The following BRCA2 variants were observed in gnomAD, a reference collection of about 807,000 sequenced individuals.
BRCA2 encodes BRCA2 DNA repair associated, also known as breast cancer type 2 susceptibility protein.
In BRCA2, 203 loss-of-function variants were observed where a neutral mutation model predicts 276.7. That is an observed-to-expected ratio of 0.73 (90% CI 0.65 to 0.82). The LOEUF (loss-of-function observed/expected upper bound fraction) is 0.82. Among genes scored for constraint, BRCA2 ranks in the 40% least tolerant of loss-of-function variants. BRCA2 has a pLI of 0.00. For synonymous variants in BRCA2, 1,289 were observed against 1,338.4 expected (o/e 0.96, Z 0.81); for missense variants, 3,920 against 3,915.0 (o/e 1.00, Z -0.03).
chr13:32,325,293 G>C, intron 4 of BRCA2, 109 bp downstream of exon 4: 2 of 786,324 alleles, frequency 2.5e-6, no homozygotes, highest in Non-Finnish European at 4.1e-6. Context: ...CTAAGAGCCT[G>C]GTAGAAGATC....
chr13:32,350,769 A>G (rs2072643859), intron 13 of BRCA2, among the ~76,000 whole-genome samples: 3 of 152,086 alleles, frequency 2.0e-5, no homozygotes, highest in Admixed American at 2.0e-4. Flanking sequence ...AAAACAACAA[A>G]ATAAAAAAAT....
At chr13:32,363,050 CA>C in intron 17 of BRCA2, 128 bp from the exon 18 acceptor site, 1 of 842,376 alleles carries the variant, frequency 1.2e-6, no homozygotes, top group Non-Finnish European at 1.8e-6. Flanking sequence ...TTCCTAGCTA[CA>C]AAATTTTTAA....
At chr13:32,345,194 A>G (rs2072603238) in intron 12 of BRCA2, among the ~76,000 whole-genome samples, 1 of 152,110 alleles carries the variant, frequency 6.6e-6, no homozygotes, top group Admixed American at 6.5e-5. Flanking sequence ...TCTGCCGAAT[A>G]CCCAAGTCTG....
Position 32,322,909 on chromosome 13 carries a change from A to C in BRCA2, c.317-2167A>C, listed in dbSNP as rs540588292. Among the ~76,000 whole-genome samples, 6 of 152,342 alleles carry C rather than the reference A, an allele frequency of 3.9e-5. No homozygotes were observed. In the South Asian group the frequency reaches 1.2e-3, roughly 32 times the overall value. On this transcript the variant is annotated intron_variant, in intron 3 of 26. Transcript: ENST00000380152. ...CACATACAGGTTTGTGTGTGAATAT[A>C]TTTTCAACTCATTTTGGTTCACACC...
rs753935319 is a variant in BRCA2, at chr13:32,337,574, G to A, written c.3219G>A (p.Gln1073=). 3.1e-6 allele frequency: 5 copies of A among 1,602,018 alleles called. No individual in the cohort carries two copies. The South Asian group carries it at 4.5e-5, about 14-fold the overall frequency. Residue 1073 remains glutamine (Q), a synonymous_variant, in exon 11 of 27, where the codon CAG becomes CAA. Coordinates refer to ENST00000380152, the MANE Select transcript of BRCA2 (RefSeq NM_000059.4). ...TTAATACTGTATCTGCACATTTACA[G>A]AGTAGTGTAGTTGTTTCTGATTGTA... ...QSINTVSAHL[Q]SSVVVSDCKN...
intron 18 of BRCA2, among the ~76,000 whole-genome samples, chr13:32,368,322 G>A (rs993577631): frequency 1.3e-5 from 2 of 151,774 alleles, no homozygotes; most frequent in Admixed American, 6.6e-5. Flanking sequence ...ATCCAGAAAA[G>A]GATTACAGCC....
intron 3 of BRCA2, among the ~76,000 whole-genome samples, chr13:32,320,628 A>T (rs773413866): frequency 1.1e-4 from 17 of 152,346 alleles, no homozygotes; most frequent in Non-Finnish European, 2.2e-4. Flanking sequence ...GGAGACATAC[A>T]TAAGCAATTA....
rs206120 is a variant in BRCA2 at position 32,317,569 on chromosome 13, A to G, written c.67+1042A>G. ...TCTTTCCCATGTCGCAACATCATGC[A>G]GTGATTATTTGGAAGATAGTGGTGT... On this transcript the variant is annotated intron_variant, in intron 2 of 26. Coordinates refer to ENST00000380152, the MANE Select transcript of BRCA2 (RefSeq NM_000059.4). Among the ~76,000 whole-genome samples the G allele has an allele frequency of 0.17, 25,504 of 152,214 alleles. 2,215 individuals are homozygous for G. The highest frequency in any genetic ancestry group is 0.23 in the Middle Eastern group (67 of 294).
intron 13 of BRCA2, among the ~76,000 whole-genome samples, chr13:32,347,688 C>G (rs2072621053): frequency 6.6e-6 from 1 of 152,160 alleles, no homozygotes; most frequent in South Asian, 2.1e-4. Context: ...AGCTCCTTCC[C>G]ACACTTGGTT....
chr13:32,364,496 A>G (rs879274750), intron 18 of BRCA2, among the ~76,000 whole-genome samples: 4 of 152,112 alleles, frequency 2.6e-5, no homozygotes, highest in African/African-American at 4.8e-5. Context: ...ACTGCTACAT[A>G]TTTCTCTACC....
At chr13:32,354,090 T>C (rs2072670572) in intron 13 of BRCA2, among the ~76,000 whole-genome samples, 1 of 152,120 alleles carries the variant, frequency 6.6e-6, no homozygotes, top group Non-Finnish European at 1.5e-5. Flanking sequence ...CAGTAAAAGA[T>C]GAAAGAGGTA....
At chr13:32,349,281 A>G (rs1403064684) in intron 13 of BRCA2, among the ~76,000 whole-genome samples, 1 of 151,832 alleles carries the variant, frequency 6.6e-6, no homozygotes, top group Non-Finnish European at 1.5e-5. Context: ...TTTGCCTTCC[A>G]AACTTTTACC....
At chr13:32,315,290 G>A (rs1284887036), upstream of BRCA2, 1 of 152,354 alleles carries the variant, frequency 6.6e-6, no homozygotes, top group Admixed American at 6.5e-5. Context: ...GGACTCTTAA[G>A]GGTCAGCGAG....
intron 24 of BRCA2, among the ~76,000 whole-genome samples, chr13:32,391,431 G>A (rs2072996081): frequency 6.6e-6 from 1 of 152,180 alleles, no homozygotes; most frequent in African/African-American, 2.4e-5. Context: ...CTCCAGGGAG[G>A]GGCATAGCCT....
intron 13 of BRCA2, 151 bp from the exon 14 acceptor site, chr13:32,354,710 A>T: frequency 1.5e-6 from 1 of 656,540 alleles, no homozygotes; most frequent in Non-Finnish European, 2.7e-6. Context: ...GAAAAATGTG[A>T]TATTGTTTTG....
rs575557478 is a variant in BRCA2, at chr13:32,367,278, A to G, written c.8332-3124A>G. Among the ~76,000 whole-genome samples the G allele has an allele frequency of 8.6e-5, 13 of 151,998 alleles. No homozygotes were observed. In the East Asian group the frequency reaches 2.3e-3, roughly 27 times the overall value. ...GGTGAAACCCCTTCTCTACTAAAAA[A>G]TACAAAAATTAGGTAGGCCTGGGGG... On this transcript the variant is annotated intron_variant, in intron 18 of 26. Coordinates refer to ENST00000380152, the MANE Select transcript of BRCA2 (RefSeq NM_000059.4).
At chr13:32,381,556 T>C (rs2072924544) in intron 24 of BRCA2, among the ~76,000 whole-genome samples, 1 of 152,100 alleles carries the variant, frequency 6.6e-6, no homozygotes, top group Non-Finnish European at 1.5e-5. Flanking sequence ...AGCAGGATCA[T>C]GCCTAGTGTG....
rs587778119 is a variant in BRCA2, at chr13:32,337,247, A to T, written c.2892A>T (p.Lys964Asn). ...ENKNSVKQHIKMTLGQDLKSD... is the reference protein window; with the variant it reads ...ENKNSVKQHINMTLGQDLKSD... Reference sequence around the variant, plus strand: ...AAAATAGTGTAAAGCAGCATATAAAAATGACTCTAGGTCAAGATTTAAAAT... The same window carrying T: ...AAAATAGTGTAAAGCAGCATATAAATATGACTCTAGGTCAAGATTTAAAAT... The change falls in exon 11 of 27, where the codon AAA becomes AAT. Residue 964 changes from lysine (K) to asparagine (N), a missense_variant. Lys to Asn is a moderately conservative substitution (Grantham distance 94). Coordinates refer to ENST00000380152, the MANE Select transcript of BRCA2 (RefSeq NM_000059.4). 2.5e-5 allele frequency: 41 copies of T among 1,611,744 alleles called. No individual in the cohort carries two copies. The South Asian group carries it at 4.3e-4, about 17-fold the overall frequency.
Position 32,330,887 on chromosome 13 carries a change from A to G in BRCA2, c.682-32A>G, listed in dbSNP as rs376686897. On this transcript the variant is annotated intron_variant, in intron 8 of 26. Transcript: ENST00000380152. Reference sequence around the variant, plus strand: ...TACTATATGTGCATTGAGAGTTTTTATACTAGTGATTTTAAACTATAATTT... The same window carrying G: ...TACTATATGTGCATTGAGAGTTTTTGTACTAGTGATTTTAAACTATAATTT... 2.4e-4 allele frequency: 327 copies of G among 1,341,464 alleles called. No homozygotes were observed. The highest frequency in any genetic ancestry group is 3.2e-4 in the Non-Finnish European group (303 of 939,086). 83.1% of individuals were successfully genotyped at this position (1,341,464 alleles called of 1,614,324 possible). A position where few individuals can be genotyped will look rare whatever the true frequency, so the allele number is the denominator to read the frequency against.
Sources: allele counts gnomAD v4.1 joint callset (sites outside exome capture counted in the v4.1 genomes callset), GRCh38; gene constraint gnomAD v4.1.1; transcripts MANE v1.5; gene names NCBI Gene and HGNC (gene_info 2026-07-23, HGNC 2026-07-21).